Variants in LARP1B observed in about 807,000 individuals in gnomAD.
LARP1B encodes la-related protein 1B.
Under a neutral mutation model 114.2 loss-of-function variants are expected in LARP1B, and 76 were observed. The observed-to-expected ratio is 0.67, with a 90% CI of 0.55 to 0.81. The LOEUF (loss-of-function observed/expected upper bound fraction) is 0.81. Ranked by LOEUF, LARP1B falls within the 30% of genes least tolerant of loss-of-function variation. The pLI, the probability that LARP1B is intolerant of heterozygous loss-of-function variation, is 0.00. For missense variants in LARP1B, 1,014 were observed against 1,075.8 expected (o/e 0.94, Z 0.80); for synonymous variants, 345 against 348.0 (o/e 0.99, Z 0.10).
intron 1 of LARP1B, among the ~76,000 whole-genome samples, chr4:128,065,769 C>T (rs1334426960): frequency 1.3e-5 from 2 of 151,852 alleles, no homozygotes; most frequent in Non-Finnish European, 2.9e-5. Context: ...GCCTTGGCTT[C>T]CATTTATATA....
chr4:128,166,352 C>T (rs187973597), intron 12 of LARP1B, among the ~76,000 whole-genome samples: 9 of 151,986 alleles, frequency 5.9e-5, no homozygotes, highest in Admixed American at 5.2e-4. Flanking sequence ...CTCTATCACC[C>T]TGTAAAAGTC....
chr4:128,117,205 G>A (rs976605420), intron 10 of LARP1B, among the ~76,000 whole-genome samples: 1 of 146,844 alleles, frequency 6.8e-6, no homozygotes, highest in Non-Finnish European at 1.5e-5. Context: ...CCCGGCCTGA[G>A]ATTTTTTTTT....
rs1324312069 is a variant in LARP1B, at chr4:128,178,395, G to A, written c.1685-36G>A. 6 of 1,415,586 alleles carry A rather than the reference G, an allele frequency of 4.2e-6. 1 individual carries two copies. The East Asian group carries it at 6.9e-5, about 16-fold the overall frequency. The allele number at this position is 1,415,586 out of a possible 1,614,324, so 87.7% of individuals were successfully genotyped here. Reference sequence around the variant, plus strand: ...ATTCTCAAAGTAAAATATTTTCCTAGCATCTAAATAATTTTAAGAGTTTTT... The same window carrying A: ...ATTCTCAAAGTAAAATATTTTCCTAACATCTAAATAATTTTAAGAGTTTTT... On this transcript the variant is annotated intron_variant, in intron 13 of 19. Transcript: ENST00000326639.
intron 11 of LARP1B, among the ~76,000 whole-genome samples, chr4:128,144,167 A>G (rs1278561921): frequency 6.6e-6 from 1 of 152,114 alleles, no homozygotes; most frequent in African/African-American, 2.4e-5. Context: ...ACAAAATCAA[A>G]ACCCAGTTGA....
chr4:128,166,960 C>CTATA (rs1741180725), intron 12 of LARP1B, among the ~76,000 whole-genome samples: 2 of 111,422 alleles, frequency 1.8e-5, no homozygotes, highest in Non-Finnish European at 1.8e-5. Flanking sequence ...CTCTCTCTCT[C>CTATA]TCTCTCTCTC....
At chr4:128,128,322 A>C (rs1790328105) in intron 11 of LARP1B, among the ~76,000 whole-genome samples, 1 of 152,168 alleles carries the variant, frequency 6.6e-6, no homozygotes, top group South Asian at 2.1e-4. Flanking sequence ...ACTATACAGA[A>C]AGTGAAAAGC....
Position 128,098,660 on chromosome 4 carries a change from C to G in LARP1B, c.813+330C>G, listed in dbSNP as rs370616196. On this transcript the variant is annotated intron_variant, in intron 8 of 19. Transcript: ENST00000326639. The stretch of plus-strand genomic sequence containing the variant: ...CTTCAGGGCTGGGCGTGGCGGCTCG[C>G]ACCTGGGTGATAGAGTACAACGGCG... 1.3e-4 allele frequency among the ~76,000 whole-genome samples: 19 copies of G among 144,358 alleles called. 1 individual carries two copies. The South Asian group carries it at 3.6e-3, about 27-fold the overall frequency. 94.7% of individuals were successfully genotyped at this position (144,358 alleles called of 152,430 possible). A position where few individuals can be genotyped will look rare whatever the true frequency, so the allele number is the denominator to read the frequency against.
In LARP1B at chr4:128,158,833, CAA is replaced by C. The variant is rs1445590795; in HGVS notation, c.1525-3358_1525-3357del. Among the ~76,000 whole-genome samples the C allele has an allele frequency of 2.0e-5, 3 of 152,088 alleles. No individual in the cohort carries two copies. The East Asian group carries it at 5.8e-4, about 29-fold the overall frequency. On this transcript the variant is annotated intron_variant, in intron 11 of 19. Coordinates refer to ENST00000326639, the MANE Select transcript of LARP1B (RefSeq NM_018078.4). ...GGTACTGTGTACCGTCACTTCCCTT[CAA>C]AAGTCACATCTTATATATAACTATA... is the stretch of plus-strand genomic sequence containing the variant.
At chr4:128,116,895 A>G (rs977016359) in intron 10 of LARP1B, among the ~76,000 whole-genome samples, 3 of 144,430 alleles carry the variant, frequency 2.1e-5, no homozygotes, top group Non-Finnish European at 4.6e-5. Context: ...CATTCTTTTT[A>G]TCAAGTGATT....
intron 7 of LARP1B, among the ~76,000 whole-genome samples, chr4:128,093,956 C>G (rs149368914): frequency 6.6e-6 from 1 of 151,742 alleles, no homozygotes; most frequent in African/African-American, 2.4e-5. Context: ...GGTGATCCAC[C>G]CACATCAGCT....
At chr4:128,187,342 A>C (rs1408117913) in intron 15 of LARP1B, among the ~76,000 whole-genome samples, 6 of 152,176 alleles carry the variant, frequency 3.9e-5, no homozygotes, top group African/African-American at 1.4e-4. Context: ...TTGTGAGCCC[A>C]CCCCTTGCAC....
chr4:128,076,610 A>G lies in LARP1B; in HGVS notation c.43-1178A>G, dbSNP rs1207272479. Among the ~76,000 whole-genome samples, 4 of 152,302 alleles carry G rather than the reference A, an allele frequency of 2.6e-5. No individual in the cohort carries two copies. In the East Asian group the frequency reaches 5.8e-4, roughly 22 times the overall value. The stretch of plus-strand genomic sequence containing the variant: ...ATTTTTCATTTTTTCTTGGATATGT[A>G]ACTAGGTTGGATCACTTAGTAGCTA... On this transcript the variant is annotated intron_variant, in intron 3 of 19. Transcript: ENST00000326639.
intron 7 of LARP1B, among the ~76,000 whole-genome samples, chr4:128,095,789 C>A (rs992881854): frequency 1.3e-5 from 2 of 151,938 alleles, no homozygotes; most frequent in African/African-American, 4.8e-5. Flanking sequence ...AAAATGTGAG[C>A]TGGTTTGTTT....
chr4:128,146,227 C>T (rs1447928083), intron 11 of LARP1B, among the ~76,000 whole-genome samples: 2 of 152,046 alleles, frequency 1.3e-5, no homozygotes. Flanking sequence ...CTAATAGCTT[C>T]ATTATGTCTA....
chr4:128,120,935 C>T (rs1195518976), intron 10 of LARP1B, among the ~76,000 whole-genome samples: 10 of 151,256 alleles, frequency 6.6e-5, no homozygotes, highest in Admixed American at 3.3e-4. Context: ...CTCAGCCTCC[C>T]GAGTAGCTGG....
intron 15 of LARP1B, among the ~76,000 whole-genome samples, chr4:128,190,481 T>C (rs1046127356): frequency 6.6e-6 from 1 of 152,208 alleles, no homozygotes; most frequent in Non-Finnish European, 1.5e-5. Flanking sequence ...CATCTCGAAT[T>C]GTAATTCCCA....
At chr4:128,120,117 T>C (rs889085243) in intron 10 of LARP1B, among the ~76,000 whole-genome samples, 2 of 152,224 alleles carry the variant, frequency 1.3e-5, no homozygotes, top group Admixed American at 1.3e-4. Context: ...TTTACTAGAA[T>C]GTGAGCTCCA....
At chr4:128,121,217 T>C (rs138132328) in intron 10 of LARP1B, among the ~76,000 whole-genome samples, 1 of 152,348 alleles carries the variant, frequency 6.6e-6, no homozygotes, top group African/African-American at 2.4e-5. Context: ...GCTCAGAAAC[T>C]ATGTTATTAT....
intron 1 of LARP1B, among the ~76,000 whole-genome samples, chr4:128,065,237 T>C (rs995540357): frequency 4.6e-5 from 7 of 150,780 alleles, no homozygotes; most frequent in African/African-American, 1.7e-4. Context: ...GACTCTGCAC[T>C]GTTCTCCCAC....
Sources: gnomAD v4.1 joint callset for allele counts (sites outside exome capture counted in the v4.1 genomes callset) on GRCh38, gnomAD v4.1.1 for gene constraint, MANE v1.5 for transcripts, NCBI Gene and HGNC (gene_info 2026-07-23, HGNC 2026-07-21) for gene names.